The following NCOR1 variants were observed in gnomAD, a reference collection of about 807,000 sequenced individuals.
NCOR1 encodes the protein nuclear receptor corepressor 1.
In NCOR1, 63 loss-of-function variants were observed where a neutral mutation model predicts 288.1. That is an observed-to-expected ratio of 0.22 (90% CI 0.18 to 0.27). The LOEUF is 0.27. Among genes scored for constraint, NCOR1 ranks in the 10% least tolerant of loss-of-function variants. NCOR1 has a pLI of 1.00. For synonymous variants in NCOR1, 1,007 were observed against 1,065.9 expected, an observed-to-expected ratio of 0.94 and a Z score of 1.08; for missense variants, 2,397 against 3,019.2, an observed-to-expected ratio of 0.79 and a Z score of 4.83.
intron 18 of NCOR1, among the ~76,000 whole-genome samples, chr17:16,114,143 CAAAA>C (rs71353770): frequency 1.1e-4 from 2 of 17,708 alleles, no homozygotes; most frequent in African/African-American, 1.9e-4. Context: ...TGGCGGCAGG[CAAAA>C]AAAAAAAAAA....
chr17:16,198,722 G>A (rs1299047086), intron 1 of NCOR1: 1 of 143,094 alleles, frequency 7.0e-6, no homozygotes, highest in African/African-American at 2.6e-5. Flanking sequence ...GTGAAACTCT[G>A]TCAAAAAAAA....
intron 10 of NCOR1, 52 bp from the exon 11 acceptor site, chr17:16,143,748 A>C: frequency 2.3e-6 from 3 of 1,307,530 alleles, no homozygotes; most frequent in Non-Finnish European, 3.2e-6. Flanking sequence ...ATATAAAGAC[A>C]TATCAATTAA....
intron 3 of NCOR1, among the ~76,000 whole-genome samples, chr17:16,183,469 A>C (rs1198475331): frequency 6.6e-6 from 1 of 152,000 alleles, no homozygotes; most frequent in Non-Finnish European, 1.5e-5. Flanking sequence ...GAAATCAAGG[A>C]AACAATTTAT....
chr17:16,032,662 T>C (rs1259463447), intron 45 of NCOR1, among the ~76,000 whole-genome samples, 179 bp from the exon 46 acceptor site: 2 of 152,190 alleles, frequency 1.3e-5, no homozygotes, highest in East Asian at 3.8e-4. Context: ...TAGCCAATGA[T>C]ATATAGCAGT....
intron 20 of NCOR1, chr17:16,098,745 C>A: frequency 4.1e-6 from 1 of 242,116 alleles, no homozygotes. Context: ...TGAAATGATA[C>A]AAAGATTACC....
intron 26 of NCOR1, among the ~76,000 whole-genome samples, chr17:16,077,239 A>G: frequency 6.6e-6 from 1 of 151,296 alleles, no homozygotes; most frequent in Non-Finnish European, 1.5e-5. Flanking sequence ...TCTACTAAAA[A>G]TACAAAAATT....
chr17:16,079,496 A>G (rs1005651482), intron 26 of NCOR1, among the ~76,000 whole-genome samples: 4 of 152,332 alleles, frequency 2.6e-5, no homozygotes, highest in South Asian at 2.1e-4. Flanking sequence ...ATTTAGCCCA[A>G]AATTGGAAGG....
At chr17:16,033,249 C>T (rs559011560) in intron 45 of NCOR1, among the ~76,000 whole-genome samples, 1 of 149,314 alleles carries the variant, frequency 6.7e-6, no homozygotes, top group Non-Finnish European at 1.5e-5. Context: ...GCAGGAGAAT[C>T]GCCTGAACCC....
At chr17:16,078,380 T>G (rs1021399581) in intron 26 of NCOR1, among the ~76,000 whole-genome samples, 8 of 152,202 alleles carry the variant, frequency 5.3e-5, no homozygotes, top group Admixed American at 5.2e-4. Flanking sequence ...TCAGAAGTAC[T>G]CATGTCAAGT....
At chr17:16,178,694 A>C (rs2084759766) in intron 3 of NCOR1, among the ~76,000 whole-genome samples, 1 of 152,012 alleles carries the variant, frequency 6.6e-6, no homozygotes. Flanking sequence ...GTCTTTTCTT[A>C]TTTATAAAAG....
rs752852008 is a variant in NCOR1 at position 16,032,285 on chromosome 17, C to A, written c.*11G>T. ...CCTCTCCTGCACCCTGTTCCCCTCA[C>A]TTTGTGCAGTTCAGTCATCACTATC... On this transcript the variant is annotated 3_prime_UTR_variant, in exon 46 of 46. Transcript: ENST00000268712. The A allele has an allele frequency of 6.3e-7, 1 of 1,599,968 alleles. No individual in the cohort carries two copies. Among genetic ancestry groups the A allele is most frequent in the East Asian group, 2.3e-5 (1 of 44,212 alleles).
intron 5 of NCOR1, among the ~76,000 whole-genome samples, chr17:16,161,698 G>A (rs114470694): frequency 0.012 from 1,771 of 152,294 alleles, 37 homozygotes; most frequent in African/African-American, 0.04. Flanking sequence ...TTTAGTCCAA[G>A]ATGAACACAG....
intron 9 of NCOR1, among the ~76,000 whole-genome samples, chr17:16,148,662 G>GAA (rs36032238): frequency 3.3e-4 from 1 of 3,010 alleles, no homozygotes; most frequent in Non-Finnish European, 1.8e-3. Flanking sequence ...TATGTTCTTG[G>GAA]CAAAAAAAAA....
chr17:16,162,313 TG>T (rs1195993687), intron 5 of NCOR1, among the ~76,000 whole-genome samples: 1 of 150,450 alleles, frequency 6.6e-6, no homozygotes, highest in Non-Finnish European at 1.5e-5. Context: ...AAGACAAGAG[TG>T]ATAAGATGTT....
intron 1 of NCOR1, among the ~76,000 whole-genome samples, chr17:16,202,328 G>A (rs1393467648): frequency 6.6e-6 from 1 of 151,368 alleles, no homozygotes; most frequent in Admixed American, 6.6e-5. Context: ...TTGAACCTGG[G>A]AGGCAGAGGT....
chr17:16,214,517 G>T (rs762840055), intron 1 of NCOR1, among the ~76,000 whole-genome samples: 2 of 152,172 alleles, frequency 1.3e-5, no homozygotes, highest in African/African-American at 4.8e-5. Context: ...TAATCCCAAA[G>T]ATTAGAATTA....
intron 1 of NCOR1, among the ~76,000 whole-genome samples, chr17:16,197,294 C>A (rs2090023574): frequency 6.6e-6 from 1 of 151,396 alleles, no homozygotes; most frequent in Admixed American, 6.6e-5. Flanking sequence ...GCACTCCAGC[C>A]TGGGTGAGGG....
At position 16,183,230 on chromosome 17, in the gene NCOR1, CAAAAAAA is replaced by C. The variant is rs59665102; in HGVS notation, c.242+3317_242+3323del. ...AGAAGTACTAGCAAGAGCAATCAAA[CAAAAAAA>C]AAAAAAAAGAAAAGAAAAAAAAGAA... is the stretch of plus-strand genomic sequence containing the variant. On this transcript the variant is annotated intron_variant, in intron 3 of 45. Coordinates refer to ENST00000268712, the MANE Select transcript of NCOR1 (RefSeq NM_006311.4). 9.4e-5 allele frequency among the ~76,000 whole-genome samples: 6 copies of C among 64,098 alleles called. No homozygotes were observed. In the South Asian group the frequency reaches 1.9e-3, roughly 21 times the overall value. The allele number at this position is 64,098 out of a possible 152,430, so 42.1% of individuals were successfully genotyped here.
At position 16,061,335 on chromosome 17, in the gene NCOR1, G is replaced by C. The variant is rs576611094; in HGVS notation, c.5881+66C>G. 3 of 1,531,980 alleles carry C rather than the reference G, an allele frequency of 2.0e-6. No homozygotes were observed. In the Admixed American group the frequency reaches 5.8e-5, roughly 30 times the overall value. 94.9% of individuals were successfully genotyped at this position (1,531,980 alleles called of 1,614,324 possible). On this transcript the variant is annotated intron_variant, in intron 37 of 45. Transcript: ENST00000268712. The stretch of plus-strand genomic sequence containing the variant: ...TTTTAAATACCATATAGTTCTACTT[G>C]ACCTAAAGAATAAAGTAATTCTTTA...
Sources: gnomAD v4.1 joint callset for allele counts (sites outside exome capture counted in the v4.1 genomes callset) on GRCh38, gnomAD v4.1.1 for gene constraint, MANE v1.5 for transcripts, NCBI Gene and HGNC (gene_info 2026-07-23, HGNC 2026-07-21) for gene names.